PCDHA4: variants seen among roughly 807,000 people sequenced by gnomAD.
The protein encoded by PCDHA4 is protocadherin alpha 4, also known as protocadherin alpha-4.
In PCDHA4, 49 loss-of-function variants were observed where a neutral mutation model predicts 61.4. The observed-to-expected ratio is 0.80, with a 90% CI of 0.63 to 1.01. The LOEUF (loss-of-function observed/expected upper bound fraction) is 1.01, where lower values mean the gene tolerates loss of function less well. Ranked by LOEUF, PCDHA4 falls within the 50% of genes least tolerant of loss-of-function variation. PCDHA4 has a pLI of 0.00. For synonymous variants in PCDHA4, 590 were observed against 550.3 expected (o/e 1.07, Z -1.01); for missense variants, 1,254 against 1,235.8 (o/e 1.01, Z -0.22).
At chr5:140,956,363 A>G (rs938643620) in intron 1 of PCDHA4, among the ~76,000 whole-genome samples, 2 of 152,026 alleles carry the variant, frequency 1.3e-5, no homozygotes, top group African/African-American at 4.8e-5. Context: ...ACATGAAGGG[A>G]TGTTGAATTT....
chr5:140,995,526 A>G (rs1241973159), intron 3 of PCDHA4, among the ~76,000 whole-genome samples: 1 of 152,244 alleles, frequency 6.6e-6, no homozygotes, highest in Non-Finnish European at 1.5e-5. Context: ...TCAGAAATCA[A>G]ACCTCAAATA....
intron 1 of PCDHA4, chr5:140,870,270 G>C (rs139719896): frequency 0.022 from 34,719 of 1,614,158 alleles, 446 homozygotes; most frequent in African/African-American, 0.029. Flanking sequence ...GCTCGCTGAC[G>C]CCCCACGTTC....
intron 1 of PCDHA4, chr5:140,927,568 A>G: frequency 1.9e-6 from 3 of 1,614,174 alleles, no homozygotes; most frequent in Non-Finnish European, 2.5e-6. Context: ...TGTGGTGGAC[A>G]CAAATGACAA....
At chr5:140,925,131 T>A (rs986113292) in intron 1 of PCDHA4, among the ~76,000 whole-genome samples, 5 of 150,904 alleles carry the variant, frequency 3.3e-5, no homozygotes, top group East Asian at 1.9e-4. Context: ...GGAAAAAAAA[T>A]TTCAAACATA....
intron 1 of PCDHA4, among the ~76,000 whole-genome samples, chr5:140,971,037 TA>T (rs2096453416): frequency 1.3e-5 from 2 of 152,200 alleles, no homozygotes; most frequent in Admixed American, 6.5e-5. Context: ...TGAAAGCACG[TA>T]AAAGGGTTTA....
At chr5:140,844,738 A>G (rs1554140712) in intron 1 of PCDHA4, among the ~76,000 whole-genome samples, 2 of 149,560 alleles carry the variant, frequency 1.3e-5, no homozygotes, top group African/African-American at 4.9e-5. Context: ...AATATTTAGT[A>G]TTATGGGATA....
chr5:140,961,887 GTTT>G (rs35680913), intron 1 of PCDHA4, among the ~76,000 whole-genome samples: 1 of 143,934 alleles, frequency 6.9e-6, no homozygotes. Context: ...ACTTACATCA[GTTT>G]TTTTTTTTTT....
At chr5:140,819,356 A>G (rs1766542325) in intron 1 of PCDHA4, among the ~76,000 whole-genome samples, 1 of 152,128 alleles carries the variant, frequency 6.6e-6, no homozygotes, top group African/African-American at 2.4e-5. Flanking sequence ...ATGAAGATTA[A>G]ATTTTCTTGT....
chr5:140,842,035 T>C (rs2150327747), intron 1 of PCDHA4: 3 of 1,613,864 alleles, frequency 1.9e-6, no homozygotes, highest in South Asian at 1.1e-5. Context: ...TGAATGATAA[T>C]GCTCCCACTT....
intron 1 of PCDHA4, among the ~76,000 whole-genome samples, chr5:140,838,930 T>C (rs10059211): frequency 0.025 from 3,848 of 151,876 alleles, 212 homozygotes; most frequent in African/African-American, 0.088. Context: ...TAAAATAAAA[T>C]GAAATAATAA....
intron 1 of PCDHA4, chr5:140,863,499 T>G: frequency 2.3e-6 from 1 of 434,624 alleles, no homozygotes; most frequent in Non-Finnish European, 4.6e-6. Context: ...CATTACGGCT[T>G]TTAGTCCTAG....
chr5:140,907,864 G>A (rs1033952784), intron 1 of PCDHA4, among the ~76,000 whole-genome samples: 3 of 152,202 alleles, frequency 2.0e-5, no homozygotes, highest in African/African-American at 7.2e-5. Context: ...GAGGCCAGCC[G>A]TTGGTGAGCA....
chr5:140,985,946 A>G (rs1265124776), intron 3 of PCDHA4, among the ~76,000 whole-genome samples: 1 of 151,962 alleles, frequency 6.6e-6, no homozygotes, highest in Non-Finnish European at 1.5e-5. Flanking sequence ...TCACTGTGTT[A>G]GCCAGGATGG....
intron 1 of PCDHA4, among the ~76,000 whole-genome samples, chr5:140,885,665 G>A (rs2060682140): frequency 6.6e-6 from 1 of 152,114 alleles, no homozygotes; most frequent in Non-Finnish European, 1.5e-5. Flanking sequence ...CCAGTTATGA[G>A]CACTCTTTCT....
In PCDHA4 at chr5:140,830,080, C is replaced by T. The variant is rs2150180869; in HGVS notation, c.2385+20508C>T. The T allele has an allele frequency of 3.1e-6, 5 of 1,613,516 alleles. No individual in the cohort carries two copies. The South Asian group carries it at 5.5e-5, about 18-fold the overall frequency. Reference sequence around the variant, plus strand: ...GTGAGCCGGCGCTGACAGCGACGGCCACGGTTCTGGTGTCGCTGGTGGAGA... The same window carrying T: ...GTGAGCCGGCGCTGACAGCGACGGCTACGGTTCTGGTGTCGCTGGTGGAGA... On this transcript the variant is annotated intron_variant, in intron 1 of 3. Transcript: ENST00000530339.
chr5:140,967,021 C>G, intron 1 of PCDHA4: 2 of 1,607,830 alleles, frequency 1.2e-6, no homozygotes, highest in Non-Finnish European at 1.7e-6. Context: ...TGGGTGCGCC[C>G]AGTCCGCGCT....
intron 1 of PCDHA4, among the ~76,000 whole-genome samples, chr5:140,975,626 G>A (rs1234889198): frequency 6.6e-6 from 1 of 152,156 alleles, no homozygotes; most frequent in African/African-American, 2.4e-5. Flanking sequence ...GATTTCCATG[G>A]TACGAAGATA....
chr5:140,879,895 G>A (rs1176160335), intron 1 of PCDHA4, among the ~76,000 whole-genome samples: 2 of 152,112 alleles, frequency 1.3e-5, no homozygotes, highest in African/African-American at 4.8e-5. Context: ...TCCTCTCCAT[G>A]TCTCTCTCTA....
rs1554253792 is a variant in PCDHA4 at position 140,993,501 on chromosome 5, C to CACAT, written c.2533+10941_2533+10942insTACA. ...ACACACACACACACACACACACACA[C>CACAT]ACACACACGGGGAGAGAGAGACAGA... is the stretch of plus-strand genomic sequence containing the variant. On this transcript the variant is annotated intron_variant, in intron 3 of 3. Transcript: ENST00000530339. Among the ~76,000 whole-genome samples, 4 of 149,100 alleles carry CACAT rather than the reference C, an allele frequency of 2.7e-5. No individual in the cohort carries two copies. In the East Asian group the frequency reaches 5.8e-4, roughly 22 times the overall value.
Sources: allele counts gnomAD v4.1 joint callset (sites outside exome capture counted in the v4.1 genomes callset), GRCh38; gene constraint gnomAD v4.1.1; transcripts MANE v1.5; gene names NCBI Gene and HGNC (gene_info 2026-07-23, HGNC 2026-07-21).